Variants in RUFY4 observed in about 807,000 individuals in gnomAD.
RUFY4 encodes the protein RUN and FYVE domain containing 4, also known as RUN and FYVE domain-containing protein 4.
In RUFY4, 73 loss-of-function variants were observed where a neutral mutation model predicts 69.0. That is an observed-to-expected ratio of 1.06 (90% CI 0.88 to 1.29). The LOEUF (loss-of-function observed/expected upper bound fraction) is 1.29, where lower values mean the gene tolerates loss of function less well. Ranked by LOEUF, RUFY4 falls within the 50% of genes most tolerant of loss-of-function variation. The pLI, the probability that RUFY4 is intolerant of heterozygous loss-of-function variation, is 0.00. For missense variants in RUFY4, 770 were observed against 705.6 expected (o/e 1.09, Z -1.03); for synonymous variants, 287 against 271.8 (o/e 1.06, Z -0.55).
chr2:218,035,992 C>T (rs534318043), intron 2 of RUFY4, among the ~76,000 whole-genome samples: 27 of 152,304 alleles, frequency 1.8e-4, no homozygotes, highest in African/African-American at 6.5e-4. Flanking sequence ...TGAACCCTCA[C>T]GGGGCTGCTC....
upstream of RUFY4, among the ~76,000 whole-genome samples, chr2:218,065,323 G>C (rs536317045): frequency 1.3e-5 from 2 of 152,338 alleles, no homozygotes; most frequent in East Asian, 1.9e-4. Flanking sequence ...TAACCACCTT[G>C]ATTGGCCATT....
chr2:218,063,183 A>G (rs1209318308), intron 3 of RUFY4, among the ~76,000 whole-genome samples: 1 of 152,172 alleles, frequency 6.6e-6, no homozygotes, highest in East Asian at 1.9e-4. Flanking sequence ...TTTTTTCCGA[A>G]CCACAAAATA....
At chr2:218,072,166 T>C (rs557827570) in intron 2 of RUFY4, among the ~76,000 whole-genome samples, 20 of 152,312 alleles carry the variant, frequency 1.3e-4, no homozygotes, top group Admixed American at 3.3e-4. Flanking sequence ...TAAGGGCCTC[T>C]GAATGAATGA....
At chr2:218,069,423 C>T (rs926571571), upstream of RUFY4, 3 of 152,032 alleles carry the variant, frequency 2.0e-5, no homozygotes, top group Admixed American at 6.6e-5. Context: ...GAGGAAAATG[C>T]CTGGCAGAGA....
At chr2:218,050,347 CA>C (rs1208239290) in intron 2 of RUFY4, among the ~76,000 whole-genome samples, 1 of 152,208 alleles carries the variant, frequency 6.6e-6, no homozygotes, top group Non-Finnish European at 1.5e-5. Context: ...CTACAGTAGG[CA>C]GGAGTGAAGG....
In RUFY4 at chr2:218,089,366, A is replaced by T; in HGVS notation, c.1613+4A>T. 1 of 1,612,736 alleles carries T rather than the reference A, an allele frequency of 6.2e-7. No individual in the cohort carries two copies. Among genetic ancestry groups the T allele is most frequent in the Non-Finnish European group, 8.5e-7 (1 of 1,179,132 alleles). On this transcript the variant is annotated splice_donor_region_variant and intron_variant, in intron 10 of 10. Transcript: ENST00000344321. ...TTTCTCGGCGGTATCCATGCAGGTA[A>T]AGGGAAGGGCACAGAATCCTCCCTC...
chr2:218,090,037 G>A, exon 11 of RUFY4: 1 of 1,550,750 alleles, frequency 6.4e-7, no homozygotes, highest in Non-Finnish European at 8.7e-7. Context: ...CCAGGGAAGA[G>A]AAGCCCAGGT....
At chr2:218,074,319 G>A (rs980633498) in intron 6 of RUFY4, among the ~76,000 whole-genome samples, 3 of 152,178 alleles carry the variant, frequency 2.0e-5, no homozygotes, top group Non-Finnish European at 4.4e-5. Context: ...TACAAACTGT[G>A]GTTCTTGAAC....
intron 2 of RUFY4, among the ~76,000 whole-genome samples, chr2:218,046,125 T>C (rs1456205464): frequency 6.6e-6 from 1 of 152,026 alleles, no homozygotes; most frequent in Non-Finnish European, 1.5e-5. Flanking sequence ...TTTTGATGTA[T>C]ATAATGTATA....
At chr2:218,055,260 T>A (rs551997576) in intron 2 of RUFY4, among the ~76,000 whole-genome samples, 1 of 152,200 alleles carries the variant, frequency 6.6e-6, no homozygotes, top group Non-Finnish European at 1.5e-5. Context: ...CCAGGCGTCA[T>A]GGCAGGCACC....
At chr2:218,052,130 G>C (rs1347260310) in intron 2 of RUFY4, among the ~76,000 whole-genome samples, 1 of 152,120 alleles carries the variant, frequency 6.6e-6, no homozygotes, top group Admixed American at 6.5e-5. Flanking sequence ...TCCTTGAAAA[G>C]ATACATCTTT....
chr2:218,051,589 C>CAA (rs1296672061), intron 2 of RUFY4, among the ~76,000 whole-genome samples: 1 of 112,230 alleles, frequency 8.9e-6, no homozygotes, highest in African/African-American at 3.1e-5. Context: ...AAAAAAAAAA[C>CAA]ACAGAAAAGT....
upstream of RUFY4, among the ~76,000 whole-genome samples, chr2:218,066,172 CTTTTCTTTTTTT>C (rs1194769832): frequency 3.6e-5 from 4 of 109,598 alleles, no homozygotes; most frequent in Non-Finnish European, 7.2e-5. Flanking sequence ...GTCATCTTTT[CTTTTCTTTTTTT>C]TTTTTTTTTT....
chr2:218,075,509 G>T (rs761358109), exon 7 of RUFY4: 2 of 1,575,226 alleles, frequency 1.3e-6, no homozygotes, highest in Non-Finnish European at 1.7e-6. Context: ...AAGCAGAGTG[G>T]AGTCACGTCC....
chr2:218,066,822 T>A (rs77030409), upstream of RUFY4, among the ~76,000 whole-genome samples: 3,206 of 152,362 alleles, frequency 0.021, 108 homozygotes, highest in African/African-American at 0.068. Context: ...TACATTGGAT[T>A]GTCGCGTCTT....
intron 3 of RUFY4, chr2:218,060,629 G>T: frequency 7.4e-7 from 1 of 1,355,144 alleles, no homozygotes; most frequent in Non-Finnish European, 1.1e-6. Context: ...TTGTAGGGCA[G>T]CCAGCAGAGC....
chr2:218,063,106 A>C (rs1439755075), intron 3 of RUFY4, among the ~76,000 whole-genome samples: 1 of 152,192 alleles, frequency 6.6e-6, no homozygotes, highest in African/African-American at 2.4e-5. Flanking sequence ...GGCTGAAGCC[A>C]TTCAAAAATG....
At chr2:218,083,075 G>C in intron 8 of RUFY4, 35 bp from the exon 11 acceptor site, 1 of 1,588,312 alleles carries the variant, frequency 6.3e-7, no homozygotes, top group Non-Finnish European at 8.5e-7. Context: ...GCTGAGCTTT[G>C]CCCCCTGAGA....
intron 9 of RUFY4, among the ~76,000 whole-genome samples, chr2:218,088,812 C>G (rs1470500669): frequency 6.6e-6 from 1 of 152,068 alleles, no homozygotes. Context: ...GTCTCCATAT[C>G]TGTGTCTTCT....
Sources: gnomAD v4.1 joint callset for allele counts (sites outside exome capture counted in the v4.1 genomes callset) on GRCh38, gnomAD v4.1.1 for gene constraint, MANE v1.5 for transcripts, NCBI Gene and HGNC (gene_info 2026-07-23, HGNC 2026-07-21) for gene names.